The following HMG20A variants were observed in gnomAD, a reference collection of about 807,000 sequenced individuals.
HMG20A encodes the protein high mobility group protein 20A.
A neutral mutation model predicts 43.9 loss-of-function variants in HMG20A; 17 were observed. The ratio of observed to expected loss-of-function variants is 0.39; its 90% CI spans 0.27 to 0.58. The LOEUF (loss-of-function observed/expected upper bound fraction) is 0.58. Among genes scored for constraint, HMG20A ranks in the 20% least tolerant of loss-of-function variants. The pLI, the probability that HMG20A is intolerant of heterozygous loss-of-function variation, is 0.59. For missense variants in HMG20A, 341 were observed against 438.2 expected, an observed-to-expected ratio of 0.78 and a Z score of 1.98; for synonymous variants, 132 against 147.5, an observed-to-expected ratio of 0.89 and a Z score of 0.76.
the HMG20A span, among the ~76,000 whole-genome samples, chr15:77,518,951 G>A: frequency 6.6e-6 from 1 of 152,182 alleles, no homozygotes; most frequent in Non-Finnish European, 1.5e-5. Flanking sequence ...TAACCTGCTT[G>A]GATGACCTCC....
At chr15:77,469,057 A>G (rs1416589990) in intron 4 of HMG20A, among the ~76,000 whole-genome samples, 1 of 151,782 alleles carries the variant, frequency 6.6e-6, no homozygotes. Context: ...CCTTGTGATT[A>G]GATTGAGGTT....
chr15:77,449,202 A>G (rs1379220331), intron 1 of HMG20A, among the ~76,000 whole-genome samples: 2 of 151,960 alleles, frequency 1.3e-5, no homozygotes, highest in Non-Finnish European at 2.9e-5. Flanking sequence ...TGAAGCAGCA[A>G]GCCTTATGTT....
chr15:77,426,021 G>A (rs536942975), intron 1 of HMG20A, among the ~76,000 whole-genome samples: 1 of 152,230 alleles, frequency 6.6e-6, no homozygotes, highest in African/African-American at 2.4e-5. Flanking sequence ...CATACAAAAG[G>A]CAACCTATTA....
the HMG20A span, among the ~76,000 whole-genome samples, chr15:77,500,616 T>G: frequency 1.3e-5 from 2 of 151,092 alleles, no homozygotes; most frequent in Admixed American, 6.6e-5. Context: ...TCTCCCAGGC[T>G]GGAGTGCAAT....
downstream of HMG20A, among the ~76,000 whole-genome samples, chr15:77,487,350 G>A (rs117702303): frequency 0.01 from 1,569 of 152,318 alleles, 15 homozygotes; most frequent in Middle Eastern, 0.024. Context: ...ATAACTATGT[G>A]TGACTTCATT....
At chr15:77,471,855 TA>T (rs2142349026) in intron 6 of HMG20A, 41 bp downstream of exon 6, 1 of 1,178,986 alleles carries the variant, frequency 8.5e-7, no homozygotes, top group Non-Finnish European at 1.2e-6. Flanking sequence ...TATGTATTTA[TA>T]ATAATGTTGC....
At chr15:77,449,082 A>G (rs766965479) in intron 1 of HMG20A, among the ~76,000 whole-genome samples, 3 of 152,024 alleles carry the variant, frequency 2.0e-5, no homozygotes, top group African/African-American at 4.8e-5. Context: ...ATAAAGATCA[A>G]TAATAGTCAT....
At chr15:77,430,953 T>C (rs2073478423) in intron 1 of HMG20A, among the ~76,000 whole-genome samples, 1 of 152,066 alleles carries the variant, frequency 6.6e-6, no homozygotes, top group Admixed American at 6.5e-5. Flanking sequence ...CTAAAACCGA[T>C]GACAAATATC....
chr15:77,477,472 A>G, intron 6 of HMG20A, 83 bp from the exon 7 acceptor site: 1 of 961,368 alleles, frequency 1.0e-6, no homozygotes, highest in Non-Finnish European at 1.6e-6. Flanking sequence ...TTCTTTAAAG[A>G]AGACATGATC....
intron 6 of HMG20A, among the ~76,000 whole-genome samples, 198 bp downstream of exon 6, chr15:77,472,012 G>GC (rs1441675370): frequency 6.6e-6 from 1 of 151,852 alleles, no homozygotes; most frequent in East Asian, 1.9e-4. Context: ...TTGAACTACA[G>GC]CCCCTAACCT....
chr15:77,465,218 G>A (rs1297950870), intron 3 of HMG20A, among the ~76,000 whole-genome samples: 2 of 116,224 alleles, frequency 1.7e-5, no homozygotes, highest in East Asian at 5.6e-4. Context: ...CCAAGATAGC[G>A]CCACTGAACT....
chr15:77,464,931 AG>A (rs2072741066), intron 3 of HMG20A: 1 of 152,122 alleles, frequency 6.6e-6, no homozygotes, highest in African/African-American at 2.4e-5. Flanking sequence ...AAGCCAATAA[AG>A]AGTGCCACCA....
intron 1 of HMG20A, among the ~76,000 whole-genome samples, chr15:77,427,974 G>C (rs983634783): frequency 6.6e-6 from 1 of 152,220 alleles, no homozygotes; most frequent in African/African-American, 2.4e-5. Context: ...TCTAAGGCCA[G>C]TGTTTATTCT....
chr15:77,480,946 G>T (rs187450146), intron 9 of HMG20A, among the ~76,000 whole-genome samples: 8 of 152,160 alleles, frequency 5.3e-5, no homozygotes, highest in African/African-American at 1.9e-4. Flanking sequence ...CTACAATGAG[G>T]TGGCCATATA....
At chr15:77,500,386 T>C in the HMG20A span, among the ~76,000 whole-genome samples, 1 of 152,282 alleles carries the variant, frequency 6.6e-6, no homozygotes, top group Admixed American at 6.5e-5. Context: ...ACCAATGTTA[T>C]ATTCTTTATA....
At chr15:77,441,764 T>G (rs1161306258) in intron 1 of HMG20A, among the ~76,000 whole-genome samples, 1 of 152,178 alleles carries the variant, frequency 6.6e-6, no homozygotes, top group African/African-American at 2.4e-5. Flanking sequence ...ATAGCTCACA[T>G]TACTACATCT....
intron 1 of HMG20A, among the ~76,000 whole-genome samples, chr15:77,442,696 C>T (rs1453080872): frequency 6.6e-6 from 1 of 152,054 alleles, no homozygotes; most frequent in Non-Finnish European, 1.5e-5. Context: ...AAGCTAGAAA[C>T]TCCTTGTTTG....
intron 2 of HMG20A, among the ~76,000 whole-genome samples, chr15:77,463,356 G>A (rs192565178): frequency 2.6e-5 from 4 of 152,092 alleles, no homozygotes; most frequent in East Asian, 1.9e-4. Context: ...TAGTACTTAC[G>A]TTGCATTGTA....
rs1490756758 is a variant in HMG20A at position 77,483,796 on chromosome 15, T to G, written c.*833T>G. 2.6e-5 allele frequency: 4 copies of G among 152,714 alleles called. No individual in the cohort carries two copies. Among genetic ancestry groups the G allele is most frequent in the Non-Finnish European group, 5.9e-5 (4 of 68,068 alleles). The allele number at this position is 152,714 out of a possible 1,614,324, so 9.5% of individuals were successfully genotyped here. Reference sequence around the variant, plus strand: ...TTGACAATGTCTTGTGGAGCATTTTTGCTGAGGAAAAGGTCACTTGTAAAC... The same window carrying G: ...TTGACAATGTCTTGTGGAGCATTTTGGCTGAGGAAAAGGTCACTTGTAAAC... On this transcript the variant is annotated 3_prime_UTR_variant, in exon 10 of 10. Coordinates refer to ENST00000336216, the MANE Select transcript of HMG20A (RefSeq NM_001304504.2).
Sources: allele counts gnomAD v4.1 joint callset (sites outside exome capture counted in the v4.1 genomes callset), GRCh38; gene constraint gnomAD v4.1.1; transcripts MANE v1.5; gene names NCBI Gene and HGNC (gene_info 2026-07-23, HGNC 2026-07-21).